The following ADGRB3 variants were observed in gnomAD, a reference collection of about 807,000 sequenced individuals.
ADGRB3 encodes the protein adhesion G protein-coupled receptor B3.
In ADGRB3, 37 loss-of-function variants were observed where a neutral mutation model predicts 193.4. That is an observed-to-expected ratio of 0.19 (90% CI 0.15 to 0.25). The LOEUF (loss-of-function observed/expected upper bound fraction) is 0.25, where lower values mean the gene tolerates loss of function less well. Among genes scored for constraint, ADGRB3 ranks in the 10% least tolerant of loss-of-function variants. The pLI is 1.00. For missense variants in ADGRB3, 1,637 were observed against 1,852.9 expected (o/e 0.88, Z 2.14); for synonymous variants, 690 against 644.2 (o/e 1.07, Z -1.08).
intron 29 of ADGRB3, among the ~76,000 whole-genome samples, chr6:69,369,668 G>A (rs578110767): frequency 1.3e-5 from 2 of 150,178 alleles, no homozygotes; most frequent in South Asian, 2.1e-4. Flanking sequence ...ACTGAACCCC[G>A]GCCTGGGTGA....
At chr6:68,720,828 T>G (rs2127324127) in intron 3 of ADGRB3, among the ~76,000 whole-genome samples, 1 of 151,862 alleles carries the variant, frequency 6.6e-6, no homozygotes, top group South Asian at 2.1e-4. Flanking sequence ...TGGAAGGAAG[T>G]TGTTTCTGCT....
At chr6:68,997,842 C>T (rs910826944) in intron 11 of ADGRB3, among the ~76,000 whole-genome samples, 2 of 151,958 alleles carry the variant, frequency 1.3e-5, no homozygotes, top group Non-Finnish European at 2.9e-5. Context: ...AAATTTAATT[C>T]AGCAGGGTTT....
chr6:68,728,949 T>A (rs1452322786), intron 3 of ADGRB3, among the ~76,000 whole-genome samples: 1 of 151,678 alleles, frequency 6.6e-6, no homozygotes, highest in Non-Finnish European at 1.5e-5. Flanking sequence ...AATGTGATTT[T>A]TTTTTTATTT....
At chr6:69,302,338 C>T (rs556436170) in intron 20 of ADGRB3, among the ~76,000 whole-genome samples, 18 of 152,022 alleles carry the variant, frequency 1.2e-4, no homozygotes, top group African/African-American at 4.1e-4. Flanking sequence ...CACCAGCTGC[C>T]GGTCTTTTGG....
chr6:69,087,147 C>G (rs1772573772), intron 17 of ADGRB3, among the ~76,000 whole-genome samples: 1 of 152,128 alleles, frequency 6.6e-6, no homozygotes, highest in South Asian at 2.1e-4. Flanking sequence ...CAAGACTGCT[C>G]TGGTATCTGG....
At chr6:69,224,079 C>T (rs555406399) in intron 17 of ADGRB3, among the ~76,000 whole-genome samples, 2 of 151,626 alleles carry the variant, frequency 1.3e-5, no homozygotes, top group East Asian at 1.9e-4. Flanking sequence ...AATTTGTCAC[C>T]CTGAGATAAT....
At chr6:68,975,107 C>G in intron 9 of ADGRB3, 127 bp from the exon 10 acceptor site, 1 of 745,182 alleles carries the variant, frequency 1.3e-6, no homozygotes, top group Non-Finnish European at 2.2e-6. Flanking sequence ...ATCAAAATAT[C>G]AATTTCATGT....
chr6:68,690,411 G>A (rs144968279), intron 3 of ADGRB3, among the ~76,000 whole-genome samples: 1,771 of 152,122 alleles, frequency 0.012, 19 homozygotes, highest in Middle Eastern at 0.034. Context: ...GTCACAGTAG[G>A]AGAAATGCCC....
Position 69,003,269 on chromosome 6 carries a change from T to G in ADGRB3, c.1929+9307T>G, listed in dbSNP as rs193285378. Among the ~76,000 whole-genome samples the G allele has an allele frequency of 3.8e-3, 579 of 152,314 alleles. 3 individuals carry two copies. Among genetic ancestry groups the G allele is most frequent in the Non-Finnish European group, 5.5e-3 (377 of 68,020 alleles). ...GCAGATATGTAATTGGTATCTCTCC[T>G]GCCAAGAAAGAAAGGTTGAATGTTT... On this transcript the variant is annotated intron_variant, in intron 11 of 31. Transcript: ENST00000370598.
At chr6:69,246,356 G>A (rs1159997632) in intron 20 of ADGRB3, among the ~76,000 whole-genome samples, 1 of 152,128 alleles carries the variant, frequency 6.6e-6, no homozygotes, top group Non-Finnish European at 1.5e-5. Flanking sequence ...AAAATGATTT[G>A]AAGGTAATAA....
chr6:68,772,753 C>A (rs1285128724), intron 3 of ADGRB3, among the ~76,000 whole-genome samples: 1 of 150,912 alleles, frequency 6.6e-6, no homozygotes, highest in Non-Finnish European at 1.5e-5. Flanking sequence ...TGTGGTAGTT[C>A]ATGCCTGTAA....
intron 17 of ADGRB3, among the ~76,000 whole-genome samples, chr6:69,198,303 T>C (rs1765342726): frequency 6.6e-6 from 1 of 152,060 alleles, no homozygotes; most frequent in Admixed American, 6.6e-5. Flanking sequence ...AGCCAGGTGC[T>C]GTGCAGGGTG....
intron 3 of ADGRB3, among the ~76,000 whole-genome samples, chr6:68,813,819 T>C (rs1767569274): frequency 6.6e-6 from 1 of 152,186 alleles, no homozygotes; most frequent in African/African-American, 2.4e-5. Context: ...TGGTTTTTTG[T>C]CCTTGCGATA....
intron 17 of ADGRB3, among the ~76,000 whole-genome samples, chr6:69,200,141 CAG>C (rs1765389857): frequency 2.0e-5 from 3 of 147,080 alleles, no homozygotes; most frequent in Non-Finnish European, 4.5e-5. Context: ...AAAAAAAAAA[CAG>C]AGAAAACTCT....
In ADGRB3 at chr6:69,232,967, C is replaced by G. The variant is rs1194422518; in HGVS notation, c.2481-323C>G. ...GATGAGCATAGGAAGTGGCTGCCAA[C>G]GCTCTGGCGGCTGCTCGTGCTGCCG... On this transcript the variant is annotated intron_variant, in intron 17 of 31. Transcript: ENST00000370598. 1.9e-5 allele frequency: 8 copies of G among 429,462 alleles called. 1 individual carries two copies. The highest frequency in any genetic ancestry group is 1.3e-4 in the South Asian group (4 of 29,770). 26.6% of individuals were successfully genotyped at this position (429,462 alleles called of 1,614,324 possible).
At chr6:69,169,023 T>G (rs1325151376) in intron 17 of ADGRB3, among the ~76,000 whole-genome samples, 1 of 152,130 alleles carries the variant, frequency 6.6e-6, no homozygotes, top group Non-Finnish European at 1.5e-5. Flanking sequence ...TTCAGTTACT[T>G]TTTCCAATGA....
intron 3 of ADGRB3, among the ~76,000 whole-genome samples, chr6:68,760,192 T>C (rs1251366228): frequency 2.0e-5 from 3 of 152,184 alleles, no homozygotes; most frequent in Non-Finnish European, 4.4e-5. Context: ...TGGTAGTTCC[T>C]TATGCAATCA....
intron 17 of ADGRB3, among the ~76,000 whole-genome samples, chr6:69,171,638 C>T (rs556400169): frequency 5.3e-5 from 8 of 152,230 alleles, no homozygotes; most frequent in Non-Finnish European, 1.0e-4. Context: ...ACCCCCTCTC[C>T]CTATTTAGGA....
intron 17 of ADGRB3, among the ~76,000 whole-genome samples, chr6:69,113,132 G>A (rs1275765933): frequency 6.6e-6 from 1 of 152,134 alleles, no homozygotes; most frequent in Admixed American, 6.6e-5. Context: ...TAAGAAACTT[G>A]AGCATCTTTG....
Sources: gnomAD v4.1 joint callset for allele counts (sites outside exome capture counted in the v4.1 genomes callset) on GRCh38, gnomAD v4.1.1 for gene constraint, MANE v1.5 for transcripts, NCBI Gene and HGNC (gene_info 2026-07-23, HGNC 2026-07-21) for gene names.